The following DNAH3 variants were observed in gnomAD, a reference collection of about 807,000 sequenced individuals.
DNAH3 encodes the protein axonemal beta dynein heavy chain 3.
DNAH3 carries 332 observed loss-of-function variants against 432.5 expected under a neutral mutation model. The observed-to-expected ratio is 0.77, with a 90% CI of 0.70 to 0.84. The LOEUF (loss-of-function observed/expected upper bound fraction) is 0.84, where lower values mean the gene tolerates loss of function less well. Ranked by LOEUF, DNAH3 falls within the 40% of genes least tolerant of loss-of-function variation. DNAH3 has a pLI of 0.00. For missense variants in DNAH3, 4,861 were observed against 5,114.0 expected (o/e 0.95, Z 1.51); for synonymous variants, 1,956 against 1,900.2 (o/e 1.03, Z -0.76).
chr16:21,153,954 A>G (rs2092881596), intron 1 of DNAH3, among the ~76,000 whole-genome samples: 1 of 152,206 alleles, frequency 6.6e-6, no homozygotes, highest in African/African-American at 2.4e-5. Flanking sequence ...ATCACAAAGT[A>G]TACATACGGT....
intron 54 of DNAH3, among the ~76,000 whole-genome samples, chr16:20,958,745 G>A (rs1347276295): frequency 1.3e-5 from 2 of 151,938 alleles, no homozygotes; most frequent in African/African-American, 4.8e-5. Flanking sequence ...ATTCATCTAT[G>A]GCCTGCCTTC....
At chr16:21,123,959 AT>A (rs1312223410) in intron 9 of DNAH3, among the ~76,000 whole-genome samples, 1 of 149,356 alleles carries the variant, frequency 6.7e-6, no homozygotes, top group African/African-American at 2.5e-5. Flanking sequence ...CACCCGGCTA[AT>A]TTTTGTATTT....
chr16:20,963,823 G>A (rs753181564), exon 53 of DNAH3: 1 of 1,614,058 alleles, frequency 6.2e-7, no homozygotes, highest in Non-Finnish European at 8.5e-7. Flanking sequence ...GATGCTCAGG[G>A]TGAAATGGTC....
chr16:21,096,373 C>T (rs2091680500), intron 18 of DNAH3, among the ~76,000 whole-genome samples: 1 of 152,006 alleles, frequency 6.6e-6, no homozygotes, highest in Admixed American at 6.6e-5. Context: ...CTCATGCAAT[C>T]CCCCTGCATC....
intron 9 of DNAH3, among the ~76,000 whole-genome samples, chr16:21,124,035 GC>G (rs1413579145): frequency 9.9e-5 from 15 of 152,216 alleles, no homozygotes; most frequent in African/African-American, 3.6e-4. Context: ...CAGGTGATCT[GC>G]CTGCCTCGGT....
At chr16:21,049,477 G>C in intron 31 of DNAH3, 92 bp downstream of exon 31, 2 of 952,696 alleles carry the variant, frequency 2.1e-6, no homozygotes, top group Middle Eastern at 2.4e-4. Flanking sequence ...CCATACAAGA[G>C]ATATAAGGCC....
At chr16:21,068,733 A>G (rs756189044) in intron 23 of DNAH3, among the ~76,000 whole-genome samples, 16 of 152,246 alleles carry the variant, frequency 1.1e-4, no homozygotes, top group Non-Finnish European at 2.2e-4. Context: ...TAAATAACTG[A>G]GTAACCAAAT....
At chr16:21,057,239 G>C (rs531150868) in intron 27 of DNAH3, among the ~76,000 whole-genome samples, 2 of 152,046 alleles carry the variant, frequency 1.3e-5, no homozygotes, top group South Asian at 4.1e-4. Flanking sequence ...TGAGACCCCC[G>C]TCTCTAGTTT....
Position 21,060,364 on chromosome 16 carries a change from G to A in DNAH3, c.3721-8C>T. 3.1e-6 allele frequency: 5 copies of A among 1,611,522 alleles called. No homozygotes were observed. Among genetic ancestry groups the A allele is most frequent in the Non-Finnish European group, 4.2e-6 (5 of 1,178,082 alleles). On this transcript the variant is annotated splice_region_variant and splice_polypyrimidine_tract_variant and intron_variant, in intron 25 of 61. Transcript: ENST00000261383. ...CCACTTTTCCACCATGCCCTATGGAGCAAGACAGAGAGAGGGTGCAGCAGT... is the reference window on the plus strand; with the variant it reads ...CCACTTTTCCACCATGCCCTATGGAACAAGACAGAGAGAGGGTGCAGCAGT...
rs554809092 is a variant in DNAH3 at position 20,942,664 on chromosome 16, G to A, written c.11512-1121C>T. 1.7e-4 allele frequency among the ~76,000 whole-genome samples: 26 copies of A among 152,272 alleles called. No homozygotes were observed. The South Asian group carries it at 4.6e-3, about 27-fold the overall frequency. On this transcript the variant is annotated intron_variant, in intron 58 of 61. Coordinates refer to ENST00000261383, the Ensembl canonical transcript of DNAH3. ...GAGGAAGCGGGTGGAGTCAGGAGAC[G>A]GTGGCTCTGGTTCTGGCTCCGTCCT...
chr16:20,987,861 A>C lies in DNAH3; in HGVS notation c.6726-12T>G. 6.2e-7 allele frequency: 1 copy of C among 1,614,168 alleles called. No individual in the cohort carries two copies. On this transcript the variant is annotated splice_polypyrimidine_tract_variant and intron_variant, in intron 45 of 61. Transcript: ENST00000261383. ...GCATCTTTCCGTACCTTGGGAGGAA[A>C]GGGATGGCACAGTAGTCAAGGAGGG...
intron 9 of DNAH3, among the ~76,000 whole-genome samples, chr16:21,124,568 G>A (rs2092407592): frequency 6.6e-6 from 1 of 151,202 alleles, no homozygotes; most frequent in Non-Finnish European, 1.5e-5. Context: ...CTGATTAATT[G>A]TACATATTTA....
At chr16:21,105,957 G>A (rs1480193142) in intron 15 of DNAH3, among the ~76,000 whole-genome samples, 3 of 151,520 alleles carry the variant, frequency 2.0e-5, no homozygotes, top group Admixed American at 6.6e-5. Context: ...TGAGGCGGGC[G>A]GATCATGAGG....
chr16:21,067,486 T>G, intron 23 of DNAH3, 67 bp from the exon 24 acceptor site: 1 of 1,562,058 alleles, frequency 6.4e-7, no homozygotes, highest in Non-Finnish European at 8.8e-7. Context: ...GTCATTGTAT[T>G]GAATGTGTGA....
intron 21 of DNAH3, among the ~76,000 whole-genome samples, chr16:21,073,111 T>G (rs968121031): frequency 6.6e-6 from 1 of 152,084 alleles, no homozygotes; most frequent in Non-Finnish European, 1.5e-5. Flanking sequence ...TGGGGCAGGT[T>G]TGGTCTTTCT....
intron 1 of DNAH3, among the ~76,000 whole-genome samples, chr16:21,156,206 TTTATTTTATTTTATTTTA>T (rs2092896622): frequency 7.1e-6 from 1 of 141,564 alleles, no homozygotes; most frequent in Non-Finnish European, 1.5e-5. Flanking sequence ...TTTTATTTAT[TTTATTTTATTTTATTTTA>T]TTATTTTATT....
chr16:21,104,679 G>T, intron 15 of DNAH3, 85 bp from the exon 16 acceptor site: 1 of 769,854 alleles, frequency 1.3e-6, no homozygotes, highest in Non-Finnish European at 2.3e-6. Flanking sequence ...CAGAACAAGA[G>T]GTCAACAGGA....
chr16:20,943,573 A>T (rs1176613339), intron 58 of DNAH3, among the ~76,000 whole-genome samples: 1 of 152,072 alleles, frequency 6.6e-6, no homozygotes, highest in Non-Finnish European at 1.5e-5. Flanking sequence ...TCAAAAAGAC[A>T]GTTTCGGGTC....
chr16:21,097,562 C>G, intron 17 of DNAH3, 63 bp from the exon 18 acceptor site: 1 of 1,594,466 alleles, frequency 6.3e-7, no homozygotes, highest in Non-Finnish European at 8.5e-7. Context: ...TCGAAGACAC[C>G]AGGGCAAATT....
Sources: allele counts gnomAD v4.1 joint callset (sites outside exome capture counted in the v4.1 genomes callset), GRCh38; gene constraint gnomAD v4.1.1; transcripts MANE v1.5; gene names NCBI Gene and HGNC (gene_info 2026-07-23, HGNC 2026-07-21).